The following INPP4A variants were observed in gnomAD, a reference collection of about 807,000 sequenced individuals.
INPP4A encodes inositol polyphosphate-4-phosphatase, type I, 107kD.
INPP4A carries 33 observed loss-of-function variants against 119.8 expected under a neutral mutation model. The observed-to-expected ratio is 0.28, with a 90% CI of 0.21 to 0.37. The LOEUF (loss-of-function observed/expected upper bound fraction) is 0.37. INPP4A is among the 10% of genes least tolerant of loss of function. The pLI, the probability that INPP4A is intolerant of heterozygous loss-of-function variation, is 1.00. For synonymous variants in INPP4A, 496 were observed against 500.7 expected (o/e 0.99, Z 0.12); for missense variants, 956 against 1,289.9 (o/e 0.74, Z 3.97).
rs370750459 is a variant in INPP4A, at chr2:98,583,825, A to T, written c.2787-3651A>T. Among the ~76,000 whole-genome samples the T allele has an allele frequency of 1.7e-4, 26 of 152,334 alleles. No individual in the cohort carries two copies. The East Asian group carries it at 4.4e-3, about 26-fold the overall frequency. ...GCTTTTTCTCATTCAGTATCAGCTC[A>T]GAGTCTGGGTCCTAGGAATCACAGA... On this transcript the variant is annotated intron_variant, in intron 24 of 24. Coordinates refer to ENST00000409851, the MANE Select transcript of INPP4A (RefSeq NM_001134225.2).
chr2:98,461,867 A>G (rs1264433708), intron 1 of INPP4A, among the ~76,000 whole-genome samples: 1 of 152,206 alleles, frequency 6.6e-6, no homozygotes, highest in East Asian at 1.9e-4. Context: ...GCTGTGCTGC[A>G]GATTCTTCAA....
At chr2:98,522,242 G>A (rs1687349038) in intron 4 of INPP4A, among the ~76,000 whole-genome samples, 1 of 147,502 alleles carries the variant, frequency 6.8e-6, no homozygotes, top group African/African-American at 2.5e-5. Context: ...AGCCGAGATT[G>A]CACCATTACA....
At chr2:98,537,353 C>T (rs1315658701) in intron 7 of INPP4A, among the ~76,000 whole-genome samples, 1 of 152,212 alleles carries the variant, frequency 6.6e-6, no homozygotes, top group Non-Finnish European at 1.5e-5. Context: ...GTAGCATCAG[C>T]TGTGTCATAT....
intron 16 of INPP4A, among the ~76,000 whole-genome samples, chr2:98,558,879 T>G (rs1182850253): frequency 6.6e-6 from 1 of 152,218 alleles, no homozygotes; most frequent in Non-Finnish European, 1.5e-5. Flanking sequence ...AGACTACCCC[T>G]AAATCACAAA....
At chr2:98,525,902 A>G (rs1688098283) in intron 4 of INPP4A, among the ~76,000 whole-genome samples, 1 of 152,246 alleles carries the variant, frequency 6.6e-6, no homozygotes, top group African/African-American at 2.4e-5. Flanking sequence ...AATGATACAA[A>G]CACATTGGAA....
intron 1 of INPP4A, among the ~76,000 whole-genome samples, chr2:98,509,217 C>T (rs1213551384): frequency 6.6e-6 from 1 of 152,196 alleles, no homozygotes; most frequent in Admixed American, 6.5e-5. Context: ...CAGGAGTCCA[C>T]AGTCCCCGGG....
chr2:98,502,736 T>C lies in INPP4A; in HGVS notation c.-165-16228T>C, dbSNP rs78680033. 6.6e-4 allele frequency among the ~76,000 whole-genome samples: 101 copies of C among 152,338 alleles called. 2 individuals carry two copies. In the East Asian group the frequency reaches 0.01, roughly 15 times the overall value. Reference sequence around the variant, plus strand: ...TTCTGGAACAAAGGGAAAATAGTTCTTGTGACTTTTGTGAGCAGTCTCACT... The same window carrying C: ...TTCTGGAACAAAGGGAAAATAGTTCCTGTGACTTTTGTGAGCAGTCTCACT... On this transcript the variant is annotated intron_variant, in intron 1 of 24. Transcript: ENST00000409851.
chr2:98,572,914 G>A lies in INPP4A; in HGVS notation c.2618G>A (p.Trp873Ter). The part of the protein sequence containing the change: ...ARKNKNVDIL[W>*]QAAEICRRLN... ...AAGAATAAGAACGTCGACATTCTCTGGCAAGCTGCTGAGGTACTGGTTACA... is the reference window on the plus strand; with the variant it reads ...AAGAATAAGAACGTCGACATTCTCTAGCAAGCTGCTGAGGTACTGGTTACA... The change falls in exon 23 of 25, where the codon TGG (tryptophan) becomes TAG (stop). Residue 873 changes from tryptophan (W) to a stop codon, truncating the protein, a stop_gained. Transcript: ENST00000409851. LOFTEE classifies it high-confidence loss of function. 6.4e-7 allele frequency: 1 copy of A among 1,571,764 alleles called. No homozygotes were observed. The highest frequency in any genetic ancestry group is 1.8e-5 in the Admixed American group (1 of 54,146).
Position 98,520,087 on chromosome 2 carries a change from G to T in INPP4A, c.39G>T (p.Arg13Ser). The T allele has an allele frequency of 6.3e-7, 1 of 1,582,360 alleles. No homozygotes were observed. The highest frequency in any genetic ancestry group is 8.6e-7 in the Non-Finnish European group (1 of 1,162,876). Residue 13 changes from arginine to serine, a missense_variant, in exon 3 of 25, where the codon AGG becomes AGT. Transcript: ENST00000409851. ...AREHSPRHGA[R>S]ARAMQRASTI... ...AGCACAGCCCTCGCCATGGTGCCAG[G>T]GCCCGTGCAATGCAGCGGGCTTCCA... is the stretch of plus-strand genomic sequence containing the variant.
At chr2:98,469,664 C>T (rs1050158697) in intron 1 of INPP4A, among the ~76,000 whole-genome samples, 1 of 150,640 alleles carries the variant, frequency 6.6e-6, no homozygotes, top group South Asian at 2.1e-4. Context: ...ATTAGCCGGG[C>T]GTTGGGGCGC....
At chr2:98,480,844 C>T (rs1006887715) in intron 1 of INPP4A, among the ~76,000 whole-genome samples, 10 of 152,236 alleles carry the variant, frequency 6.6e-5, no homozygotes, top group African/African-American at 2.4e-4. Context: ...GTGTCCGTCT[C>T]CGCAGCCAAA....
chr2:98,554,226 GC>G lies in INPP4A; in HGVS notation c.1348-41del, dbSNP rs34209250. 1 of 1,492,882 alleles carries G rather than the reference GC, an allele frequency of 6.7e-7. No individual in the cohort carries two copies. The highest frequency in any genetic ancestry group is 2.0e-5 in the Admixed American group (1 of 51,004). The allele number at this position is 1,492,882 out of a possible 1,614,324, so 92.5% of individuals were successfully genotyped here. ...CTGAGATAAGGCAGGGGCCTCCCCA[GC>G]CCCTGGCCTGGGCTCAGCAGCCTTG... is the stretch of plus-strand genomic sequence containing the variant. On this transcript the variant is annotated intron_variant, in intron 14 of 24. Coordinates refer to ENST00000409851, the MANE Select transcript of INPP4A (RefSeq NM_001134225.2). The surrounding 1 kb of genome is among the most constrained non-coding windows in gnomAD (Gnocchi z 4.7).
At chr2:98,458,580 G>A (rs571642551) in intron 1 of INPP4A, among the ~76,000 whole-genome samples, 4 of 152,196 alleles carry the variant, frequency 2.6e-5, no homozygotes, top group Admixed American at 6.5e-5. Context: ...TGAGGGAGCT[G>A]ACCACCGAAC....
intron 4 of INPP4A, among the ~76,000 whole-genome samples, chr2:98,526,532 C>A (rs1198609135): frequency 6.6e-6 from 1 of 152,122 alleles, no homozygotes; most frequent in Non-Finnish European, 1.5e-5. Context: ...TTCCAAAAAT[C>A]TTCTTTTCTA....
intron 13 of INPP4A, among the ~76,000 whole-genome samples, chr2:98,548,290 C>T (rs1461043703): frequency 1.3e-5 from 2 of 152,210 alleles, no homozygotes; most frequent in African/African-American, 4.8e-5. Context: ...CCCAGGGGTG[C>T]TTCCCTAAGA....
At chr2:98,547,045 T>C (rs1296699162) in intron 13 of INPP4A, among the ~76,000 whole-genome samples, 10 of 152,186 alleles carry the variant, frequency 6.6e-5, no homozygotes, top group African/African-American at 2.4e-4. Context: ...GCCTGGAGCA[T>C]GTTGTTTCCT....
At chr2:98,523,080 CAA>C (rs1473462997) in intron 4 of INPP4A, among the ~76,000 whole-genome samples, 6 of 152,156 alleles carry the variant, frequency 3.9e-5, no homozygotes, top group Non-Finnish European at 8.8e-5. Flanking sequence ...AGGGTCATCA[CAA>C]GAGAGAAGTG....
intron 10 of INPP4A, among the ~76,000 whole-genome samples, chr2:98,541,219 C>T (rs1005384907): frequency 5.9e-5 from 9 of 151,440 alleles, no homozygotes; most frequent in African/African-American, 1.7e-4. Context: ...CCCAGCTACT[C>T]GGGAGGCAGA....
intron 4 of INPP4A, among the ~76,000 whole-genome samples, chr2:98,529,316 A>G (rs906487847): frequency 6.6e-6 from 1 of 152,190 alleles, no homozygotes; most frequent in African/African-American, 2.4e-5. Context: ...TATAGATAGA[A>G]AGTAGATCAG....
Sources: gnomAD v4.1 joint callset for allele counts (sites outside exome capture counted in the v4.1 genomes callset) on GRCh38, gnomAD v4.1.1 for gene constraint, Gnocchi (gnomAD v3.1) non-coding constraint, MANE v1.5 for transcripts, NCBI Gene and HGNC (gene_info 2026-07-23, HGNC 2026-07-21) for gene names.